HS2ST1: variants seen among roughly 807,000 people sequenced by gnomAD.
HS2ST1 encodes 2-O-sulfotransferase.
Under a neutral mutation model 42.9 loss-of-function variants are expected in HS2ST1, and 18 were observed. The ratio of observed to expected loss-of-function variants is 0.42; its 90% CI spans 0.29 to 0.62. The LOEUF (loss-of-function observed/expected upper bound fraction) is 0.62. Ranked by LOEUF, HS2ST1 falls within the 20% of genes least tolerant of loss-of-function variation. The probability of loss-of-function intolerance (pLI) is 0.21; values close to 1 mark genes in which losing one functional copy is unlikely to be tolerated. For missense variants in HS2ST1, 334 were observed against 433.8 expected, an observed-to-expected ratio of 0.77 and a Z score of 2.04; for synonymous variants, 146 against 152.9, an observed-to-expected ratio of 0.95 and a Z score of 0.33.
At chr1:86,983,036 A>G (rs558811096) in intron 1 of HS2ST1, among the ~76,000 whole-genome samples, 119 of 152,256 alleles carry the variant, frequency 7.8e-4, no homozygotes, top group African/African-American at 2.4e-3. Flanking sequence ...CCATATCACA[A>G]TCAGCCTTTT....
chr1:87,048,491 G>A (rs892653619), intron 1 of HS2ST1, among the ~76,000 whole-genome samples: 4 of 152,152 alleles, frequency 2.6e-5, no homozygotes, highest in Non-Finnish European at 5.9e-5. Flanking sequence ...AAAGTATCCA[G>A]TCTGTCTTTC....
At chr1:86,977,205 G>A (rs542968868) in intron 1 of HS2ST1, among the ~76,000 whole-genome samples, 1 of 152,190 alleles carries the variant, frequency 6.6e-6, no homozygotes, top group African/African-American at 2.4e-5. Context: ...CCTACATGAT[G>A]GATATTAACT....
intron 1 of HS2ST1, among the ~76,000 whole-genome samples, chr1:86,917,923 A>G (rs1049135677): frequency 3.3e-5 from 5 of 152,236 alleles, no homozygotes; most frequent in African/African-American, 1.2e-4. Flanking sequence ...GCTTATTTTT[A>G]CTATAGGAAA....
At chr1:87,008,018 AT>A (rs1315809343) in intron 1 of HS2ST1, among the ~76,000 whole-genome samples, 1 of 152,148 alleles carries the variant, frequency 6.6e-6, no homozygotes, top group Non-Finnish European at 1.5e-5. Context: ...GTATAAAATA[AT>A]TTTAAATTGT....
At chr1:87,092,935 C>T (rs1212928794) in intron 4 of HS2ST1, among the ~76,000 whole-genome samples, 3 of 151,684 alleles carry the variant, frequency 2.0e-5, no homozygotes, top group Non-Finnish European at 2.9e-5. Flanking sequence ...ATTTTCTGTG[C>T]GATTATTGTA....
intron 1 of HS2ST1, among the ~76,000 whole-genome samples, chr1:87,068,898 G>T (rs1447873750): frequency 6.6e-6 from 1 of 151,876 alleles, no homozygotes; most frequent in East Asian, 1.9e-4. Flanking sequence ...TAGCTGGGTT[G>T]CCCAGGCTTG....
intron 1 of HS2ST1, chr1:87,046,573 G>T: frequency 3.2e-6 from 5 of 1,579,032 alleles, no homozygotes; most frequent in Non-Finnish European, 4.3e-6. Flanking sequence ...AACTATGGCG[G>T]AAAAGGAAAC....
rs1313106295 is a variant in HS2ST1 at position 86,952,213 on chromosome 1, T to A, written c.124+37053T>A. Among the ~76,000 whole-genome samples, 15 of 152,304 alleles carry A rather than the reference T, an allele frequency of 9.8e-5. No individual in the cohort carries two copies. The East Asian group carries it at 2.9e-3, about 29-fold the overall frequency. Reference sequence around the variant, plus strand: ...GAGGAATCACTGTCCGTGGCAGCTATAGCCTTACAAAATGTTTTTCTTAAA... The same window carrying A: ...GAGGAATCACTGTCCGTGGCAGCTAAAGCCTTACAAAATGTTTTTCTTAAA... On this transcript the variant is annotated intron_variant, in intron 1 of 6. Transcript: ENST00000370550.
intron 1 of HS2ST1, among the ~76,000 whole-genome samples, chr1:87,006,384 C>T (rs893584980): frequency 1.3e-5 from 2 of 152,052 alleles, no homozygotes; most frequent in African/African-American, 2.4e-5. Context: ...GCAAGATATC[C>T]TTAAATAAAG....
intron 1 of HS2ST1, chr1:87,046,138 A>G (rs1483869018): frequency 2.8e-6 from 2 of 712,852 alleles, no homozygotes; most frequent in East Asian, 3.3e-5. Context: ...GCTTTAGATA[A>G]CAGAGCTGCC....
intron 1 of HS2ST1, among the ~76,000 whole-genome samples, chr1:87,057,213 C>T (rs996390251): frequency 1.3e-5 from 2 of 152,086 alleles, no homozygotes; most frequent in Admixed American, 1.3e-4. Flanking sequence ...ATAAATGTTT[C>T]TCAATTTTAA....
intron 3 of HS2ST1, among the ~76,000 whole-genome samples, chr1:87,089,403 A>T (rs996884918): frequency 3.4e-4 from 51 of 152,062 alleles, no homozygotes; most frequent in African/African-American, 1.2e-3. Flanking sequence ...TAACAGGTCA[A>T]CAGTAGTTTA....
chr1:86,943,119 TA>T (rs1226874238), intron 1 of HS2ST1, among the ~76,000 whole-genome samples: 2 of 152,182 alleles, frequency 1.3e-5, no homozygotes, highest in African/African-American at 2.4e-5. Flanking sequence ...TAATAACTTT[TA>T]AAAAAAGTAT....
intron 1 of HS2ST1, among the ~76,000 whole-genome samples, chr1:87,002,437 A>G (rs1649316095): frequency 1.3e-5 from 2 of 151,968 alleles, no homozygotes; most frequent in African/African-American, 4.8e-5. Context: ...TACAAAAATT[A>G]CAAAAAAATT....
At chr1:87,046,018 A>C in intron 1 of HS2ST1, 2 of 683,408 alleles carry the variant, frequency 2.9e-6, no homozygotes, top group Non-Finnish European at 5.5e-6. Context: ...GTTGCCAGGG[A>C]AAGTGCACTG....
intron 1 of HS2ST1, among the ~76,000 whole-genome samples, chr1:86,952,904 T>C (rs1647566010): frequency 6.6e-6 from 1 of 152,234 alleles, no homozygotes; most frequent in Non-Finnish European, 1.5e-5. Context: ...ACTAGCTTTC[T>C]TTAGTTCCTG....
chr1:86,936,044 T>G (rs968727740), intron 1 of HS2ST1, among the ~76,000 whole-genome samples: 2 of 152,024 alleles, frequency 1.3e-5, no homozygotes, highest in African/African-American at 4.8e-5. Context: ...TTTTGTCATA[T>G]GTATAGTTTT....
intron 1 of HS2ST1, among the ~76,000 whole-genome samples, chr1:86,988,738 G>A (rs2390219): frequency 0.71 from 108,597 of 152,174 alleles, 40,418 homozygotes; most frequent in East Asian, 0.97. Flanking sequence ...CCGGAATGGC[G>A]TTACATCAAT....
chr1:86,970,633 A>G (rs1251729604), intron 1 of HS2ST1, among the ~76,000 whole-genome samples: 1 of 152,140 alleles, frequency 6.6e-6, no homozygotes, highest in African/African-American at 2.4e-5. Flanking sequence ...ACCTCAAGTG[A>G]TCCACCCTCC....
Sources: gnomAD v4.1 joint callset for allele counts (sites outside exome capture counted in the v4.1 genomes callset) on GRCh38, gnomAD v4.1.1 for gene constraint, MANE v1.5 for transcripts, NCBI Gene and HGNC (gene_info 2026-07-23, HGNC 2026-07-21) for gene names.